GRID2: variants seen among roughly 807,000 people sequenced by gnomAD.
GRID2 encodes the protein glutamate receptor ionotropic, delta-2.
Under a neutral mutation model 114.8 loss-of-function variants are expected in GRID2, and 33 were observed. The observed-to-expected ratio is 0.29, with a 90% CI of 0.22 to 0.38. The LOEUF (loss-of-function observed/expected upper bound fraction) is 0.38. Among genes scored for constraint, GRID2 ranks in the 10% least tolerant of loss-of-function variants. GRID2 has a pLI of 1.00. For synonymous variants in GRID2, 505 were observed against 449.9 expected (o/e 1.12, Z -1.55); for missense variants, 1,184 against 1,257.7 (o/e 0.94, Z 0.89).
Position 93,594,713 on chromosome 4 carries a change from G to T in GRID2, c.2194-31556G>T, listed in dbSNP as rs1354752524. 2.0e-5 allele frequency among the ~76,000 whole-genome samples: 3 copies of T among 152,210 alleles called. No individual in the cohort carries two copies. The East Asian group carries it at 5.8e-4, about 29-fold the overall frequency. On this transcript the variant is annotated intron_variant, in intron 13 of 15. Transcript: ENST00000282020. ...GTGCTAGCAATCAATGAGACTCCGT[G>T]GGGTAGGACCCTCTGAGCCAGGTGC...
At chr4:93,234,283 T>C (rs981998793) in intron 7 of GRID2, among the ~76,000 whole-genome samples, 13 of 152,130 alleles carry the variant, frequency 8.5e-5, no homozygotes, top group African/African-American at 3.1e-4. Context: ...ATAGATTTAA[T>C]TTAATTCAGT....
At chr4:92,946,510 A>C (rs997987517) in intron 2 of GRID2, among the ~76,000 whole-genome samples, 8 of 152,192 alleles carry the variant, frequency 5.3e-5, no homozygotes, top group Non-Finnish European at 1.0e-4. Flanking sequence ...AAATTATATT[A>C]ATAACTTTTA....
chr4:93,092,742 T>C (rs879657839), intron 3 of GRID2, among the ~76,000 whole-genome samples: 1 of 152,038 alleles, frequency 6.6e-6, no homozygotes, highest in Admixed American at 6.6e-5. Flanking sequence ...AAGAGTGGTA[T>C]CTTTAATGTT....
chr4:93,089,989 T>C (rs1227027133), intron 3 of GRID2, among the ~76,000 whole-genome samples: 1 of 152,114 alleles, frequency 6.6e-6, no homozygotes, highest in Non-Finnish European at 1.5e-5. Context: ...ATGTGTCTTG[T>C]TCCCTAATAA....
chr4:93,760,933 T>C (rs1049625359), intron 14 of GRID2, among the ~76,000 whole-genome samples: 3 of 152,164 alleles, frequency 2.0e-5, no homozygotes, highest in Non-Finnish European at 2.9e-5. Context: ...AGAAGACAAA[T>C]ACTACCTCAT....
intron 8 of GRID2, among the ~76,000 whole-genome samples, chr4:93,369,524 C>T (rs924145178): frequency 3.3e-5 from 5 of 152,124 alleles, no homozygotes; most frequent in African/African-American, 4.8e-5. Flanking sequence ...GGGTCTTGCT[C>T]TGTTGTCAAG....
At chr4:92,963,574 C>A (rs1000455179) in intron 2 of GRID2, among the ~76,000 whole-genome samples, 1 of 152,024 alleles carries the variant, frequency 6.6e-6, no homozygotes, top group Middle Eastern at 3.4e-3. Context: ...AATACTATTT[C>A]TCTTGTTATT....
intron 1 of GRID2, among the ~76,000 whole-genome samples, chr4:92,508,578 G>A (rs1437331321): frequency 1.3e-5 from 2 of 151,886 alleles, no homozygotes; most frequent in Non-Finnish European, 2.9e-5. Flanking sequence ...CTGAGAAAGA[G>A]CAGGCACAAA....
At chr4:92,625,427 G>A (rs916011978) in intron 2 of GRID2, among the ~76,000 whole-genome samples, 9 of 151,662 alleles carry the variant, frequency 5.9e-5, no homozygotes, top group Non-Finnish European at 1.3e-4. Context: ...ATAATTAGAG[G>A]CAAAAGTAGA....
chr4:93,558,629 G>C (rs1734572483), intron 13 of GRID2, among the ~76,000 whole-genome samples: 1 of 152,136 alleles, frequency 6.6e-6, no homozygotes, highest in Non-Finnish European at 1.5e-5. Context: ...GAACCAGAAA[G>C]ACTCATAGCC....
chr4:93,565,959 A>G (rs575619207), intron 13 of GRID2, among the ~76,000 whole-genome samples: 4 of 152,324 alleles, frequency 2.6e-5, no homozygotes, highest in South Asian at 2.1e-4. Flanking sequence ...GCTTAACCCA[A>G]CAAAGGTTTA....
chr4:93,569,576 C>T (rs956999849), intron 13 of GRID2, among the ~76,000 whole-genome samples: 2 of 152,172 alleles, frequency 1.3e-5, no homozygotes, highest in African/African-American at 4.8e-5. Context: ...CACTTTTATG[C>T]TTCAAATATT....
intron 2 of GRID2, among the ~76,000 whole-genome samples, chr4:92,950,298 T>C (rs1171440499): frequency 6.6e-6 from 1 of 152,192 alleles, no homozygotes; most frequent in East Asian, 1.9e-4. Flanking sequence ...ATCGATCCTC[T>C]AACTGACAGA....
chr4:92,619,782 G>A (rs1183061271), intron 2 of GRID2, among the ~76,000 whole-genome samples: 1 of 151,400 alleles, frequency 6.6e-6, no homozygotes, highest in Admixed American at 6.6e-5. Flanking sequence ...TTGTTTTTTT[G>A]TTTGTTTTTA....
intron 2 of GRID2, among the ~76,000 whole-genome samples, chr4:93,049,366 C>A (rs1327348145): frequency 6.6e-5 from 10 of 151,880 alleles, no homozygotes; most frequent in Admixed American, 6.6e-4. Context: ...TCAGTTATGT[C>A]CAAAATAATG....
At chr4:92,993,464 T>A (rs1455851164) in intron 2 of GRID2, among the ~76,000 whole-genome samples, 1 of 152,138 alleles carries the variant, frequency 6.6e-6, no homozygotes, top group Non-Finnish European at 1.5e-5. Flanking sequence ...ATTATAAAAC[T>A]ATTAAATAAT....
chr4:92,527,970 T>C (rs1228143032), intron 1 of GRID2, among the ~76,000 whole-genome samples: 1 of 152,028 alleles, frequency 6.6e-6, no homozygotes, highest in Non-Finnish European at 1.5e-5. Flanking sequence ...TTACTGTAAA[T>C]AGTGACAGTA....
chr4:93,110,666 A>G (rs527545701), intron 3 of GRID2, 82 bp from the exon 4 acceptor site: 31 of 900,472 alleles, frequency 3.4e-5, no homozygotes, highest in Non-Finnish European at 5.4e-5. Context: ...ACAATAATCT[A>G]TTCTGATATA....
chr4:93,163,307 C>T (rs1737862213), intron 4 of GRID2, among the ~76,000 whole-genome samples: 1 of 141,288 alleles, frequency 7.1e-6, no homozygotes, highest in African/African-American at 2.7e-5. Flanking sequence ...TATCTCAAGA[C>T]AGTAAGATTA....
Sources: allele counts gnomAD v4.1 joint callset (sites outside exome capture counted in the v4.1 genomes callset), GRCh38; gene constraint gnomAD v4.1.1; transcripts MANE v1.5; gene names NCBI Gene and HGNC (gene_info 2026-07-23, HGNC 2026-07-21).